The following CHRM2 variants were observed in gnomAD, a reference collection of about 807,000 sequenced individuals.
The protein encoded by CHRM2 is cholinergic receptor muscarinic 2.
In CHRM2, 8 loss-of-function variants were observed where a neutral mutation model predicts 25.0. The ratio of observed to expected loss-of-function variants is 0.32; its 90% CI spans 0.19 to 0.58. The LOEUF (loss-of-function observed/expected upper bound fraction) is 0.58. Among genes scored for constraint, CHRM2 ranks in the 20% least tolerant of loss-of-function variants. CHRM2 has a pLI of 0.88. For synonymous variants in CHRM2, 202 were observed against 205.7 expected (o/e 0.98, Z 0.15); for missense variants, 440 against 567.1 (o/e 0.78, Z 2.28).
intron 2 of CHRM2, among the ~76,000 whole-genome samples, chr7:136,916,268 A>G (rs960677): frequency 0.3 from 45,445 of 151,730 alleles, 7,239 homozygotes; most frequent in East Asian, 0.41. Context: ...CTTGTCTTAG[A>G]AATAAGAAAA....
At chr7:136,986,951 A>G (rs948165946) in intron 2 of CHRM2, among the ~76,000 whole-genome samples, 6 of 152,134 alleles carry the variant, frequency 3.9e-5, no homozygotes, top group Non-Finnish European at 8.8e-5. Context: ...TTATTTTTCT[A>G]CCTGCATCTG....
intron 2 of CHRM2, among the ~76,000 whole-genome samples, chr7:136,875,463 C>T (rs2130473204): frequency 6.6e-6 from 1 of 152,204 alleles, no homozygotes; most frequent in East Asian, 1.9e-4. Context: ...TCTGTTCCCT[C>T]AGAGGCTTCC....
chr7:136,957,569 G>A (rs541324212), intron 2 of CHRM2, among the ~76,000 whole-genome samples: 1 of 152,270 alleles, frequency 6.6e-6, no homozygotes, highest in African/African-American at 2.4e-5. Flanking sequence ...AGTGACACTC[G>A]AGAGACGAGT....
In CHRM2 at chr7:136,981,611, A is replaced by T. The variant is rs536258710; in HGVS notation, c.-124-10576A>T. On this transcript the variant is annotated intron_variant, in intron 2 of 3. Transcript: ENST00000680005. ...TAGTGCTATAAATTTCCCTCTAAAC[A>T]CTGCTTTGGTGTGTCCCAGAGATCT... Among the ~76,000 whole-genome samples the T allele has an allele frequency of 2.6e-5, 4 of 152,232 alleles. No individual in the cohort carries two copies. The East Asian group carries it at 7.7e-4, about 29-fold the overall frequency.
chr7:136,944,149 T>C (rs751280533), intron 2 of CHRM2, among the ~76,000 whole-genome samples: 3 of 152,032 alleles, frequency 2.0e-5, no homozygotes, highest in Non-Finnish European at 4.4e-5. Context: ...ACATGAATAA[T>C]TTCTTTAGTG....
In CHRM2 at chr7:137,015,365, G is replaced by A; in HGVS notation, c.500G>A (p.Gly167Glu). The A allele has an allele frequency of 1.2e-6, 2 of 1,613,490 alleles. No homozygotes were observed. The highest frequency in any genetic ancestry group is 1.7e-6 in the Non-Finnish European group (2 of 1,179,644). The stretch of plus-strand genomic sequence containing the variant: ...ATTCTCTTCTGGCAGTTCATTGTAG[G>A]GGTGAGAACTGTGGAGGATGGGGAG... Reference protein sequence around the residue: ...PAILFWQFIVGVRTVEDGECY... With the variant: ...PAILFWQFIVEVRTVEDGECY... Residue 167 changes from glycine to glutamate, a missense_variant, in exon 4 of 4, where the codon GGG becomes GAG. Transcript: ENST00000680005. This position sits in a 1 kb window ranked among gnomAD's most constrained non-coding sequence, Gnocchi z 5.1.
intron 2 of CHRM2, among the ~76,000 whole-genome samples, chr7:136,873,352 T>A (rs34653588): frequency 0.13 from 20,022 of 152,254 alleles, 1,477 homozygotes; most frequent in Non-Finnish European, 0.17. Context: ...ATTTTTGCTG[T>A]GTGTATTCTA....
chr7:136,904,406 T>A (rs1444564489), intron 2 of CHRM2, among the ~76,000 whole-genome samples: 2 of 151,946 alleles, frequency 1.3e-5, no homozygotes, highest in African/African-American at 4.8e-5. Flanking sequence ...CATTATCTAT[T>A]TAAGAAAAAT....
intron 2 of CHRM2, among the ~76,000 whole-genome samples, chr7:136,906,248 CAT>C (rs761834572): frequency 4.9e-4 from 74 of 149,902 alleles, no homozygotes; most frequent in Non-Finnish European, 8.5e-4. Flanking sequence ...ACATATTATA[CAT>C]ATATATGTGT....
intron 3 of CHRM2, among the ~76,000 whole-genome samples, chr7:136,994,516 C>CTTT (rs1803447342): frequency 1.2e-5 from 1 of 84,248 alleles, no homozygotes; most frequent in African/African-American, 4.9e-5. Flanking sequence ...CTCTTTTTTT[C>CTTT]TTTTCTTTTT....
At chr7:136,883,270 C>T (rs964049644) in intron 2 of CHRM2, among the ~76,000 whole-genome samples, 2 of 152,080 alleles carry the variant, frequency 1.3e-5, no homozygotes, top group African/African-American at 2.4e-5. Context: ...CTTCAGCCTC[C>T]GGTGTCTCCC....
chr7:136,909,494 G>A (rs952750262), intron 2 of CHRM2, among the ~76,000 whole-genome samples: 15 of 151,804 alleles, frequency 9.9e-5, no homozygotes, highest in African/African-American at 3.6e-4. Flanking sequence ...AGGACACTAA[G>A]GCAAAAAGAG....
At chr7:136,970,163 A>C (rs909906981) in intron 2 of CHRM2, among the ~76,000 whole-genome samples, 3 of 152,152 alleles carry the variant, frequency 2.0e-5, no homozygotes, top group African/African-American at 7.2e-5. Flanking sequence ...AAAATTTGGG[A>C]GGTGGATGTA....
In CHRM2 at chr7:137,015,143, C is replaced by G; in HGVS notation, c.278C>G (p.Pro93Arg). The G allele has an allele frequency of 6.2e-7, 1 of 1,613,556 alleles. No individual in the cohort carries two copies. The highest frequency in any genetic ancestry group is 8.5e-7 in the Non-Finnish European group (1 of 1,179,666). Reference protein sequence around the residue: ...YTVIGYWPLGPVVCDLWLALD... With the variant: ...YTVIGYWPLGRVVCDLWLALD... ...GTGATTGGTTACTGGCCTTTGGGACCTGTGGTGTGTGACCTTTGGCTAGCC... is the reference window on the plus strand; with the variant it reads ...GTGATTGGTTACTGGCCTTTGGGACGTGTGGTGTGTGACCTTTGGCTAGCC... Residue 93 changes from proline to arginine, a missense_variant, in exon 4 of 4, where the codon CCT (proline) becomes CGT (arginine). Around this residue, in one of 5 missense-constraint regions of CHRM2, gnomAD observed 86 missense variants for 124.9 expected, o/e 0.69. Coordinates refer to ENST00000680005, the MANE Select transcript of CHRM2 (RefSeq NM_001006630.2). This position sits in a 1 kb window ranked among gnomAD's most constrained non-coding sequence, Gnocchi z 5.1.
chr7:136,978,010 A>T (rs1404738882), intron 2 of CHRM2, among the ~76,000 whole-genome samples: 1 of 148,352 alleles, frequency 6.7e-6, no homozygotes, highest in African/African-American at 2.5e-5. Context: ...CCCTTTACCC[A>T]TTACTTATTT....
chr7:136,986,754 A>G (rs536420794), intron 2 of CHRM2, among the ~76,000 whole-genome samples: 1 of 152,306 alleles, frequency 6.6e-6, no homozygotes, highest in African/African-American at 2.4e-5. Flanking sequence ...AAGCAGATTC[A>G]ATCAGGAGCA....
intron 2 of CHRM2, among the ~76,000 whole-genome samples, chr7:136,937,635 C>G (rs1306269764): frequency 6.6e-6 from 1 of 152,124 alleles, no homozygotes; most frequent in Non-Finnish European, 1.5e-5. Context: ...TTAAACACAA[C>G]ATCTGGTTCA....
rs573590642 is a variant in CHRM2 at position 136,925,353 on chromosome 7, C to T, written c.-125+55935C>T. Among the ~76,000 whole-genome samples, 43 of 152,010 alleles carry T rather than the reference C, an allele frequency of 2.8e-4. 3 individuals are homozygous for T. In the South Asian group the frequency reaches 8.1e-3, roughly 29 times the overall value. Reference sequence around the variant, plus strand: ...GTACTGGTCAAATTCATGTCTAGACCTTTGGGTGTTATCAACCCCATATTT... The same window carrying T: ...GTACTGGTCAAATTCATGTCTAGACTTTTGGGTGTTATCAACCCCATATTT... On this transcript the variant is annotated intron_variant, in intron 2 of 3. Transcript: ENST00000680005.
At chr7:136,958,953 G>A (rs1033880078) in intron 2 of CHRM2, among the ~76,000 whole-genome samples, 5 of 152,032 alleles carry the variant, frequency 3.3e-5, no homozygotes, top group South Asian at 2.1e-4. Context: ...TATGCCCCTC[G>A]GTATGGTCTC....
Sources: allele counts gnomAD v4.1 joint callset (sites outside exome capture counted in the v4.1 genomes callset), GRCh38; gene constraint gnomAD v4.1.1; regional missense constraint gnomAD v4.1.1; non-coding constraint Gnocchi (gnomAD v3.1); transcripts MANE v1.5; gene names NCBI Gene and HGNC (gene_info 2026-07-23, HGNC 2026-07-21).